Variants in MAP3K1 observed in about 807,000 individuals in gnomAD.
MAP3K1 encodes mitogen-activated protein kinase kinase kinase 1, also known as MAP/ERK kinase kinase 1.
In MAP3K1, 36 loss-of-function variants were observed where a neutral mutation model predicts 144.2. The observed-to-expected ratio is 0.25, with a 90% CI of 0.19 to 0.33. The LOEUF (loss-of-function observed/expected upper bound fraction) is 0.33, where lower values mean the gene tolerates loss of function less well. MAP3K1 is among the 10% of genes least tolerant of loss of function. The pLI is 1.00. For missense variants in MAP3K1, 1,650 were observed against 1,881.9 expected (o/e 0.88, Z 2.28); for synonymous variants, 718 against 688.7 (o/e 1.04, Z -0.67).
chr5:56,852,176 G>A (rs1747194915), intron 1 of MAP3K1: 1 of 152,022 alleles, frequency 6.6e-6, no homozygotes, highest in African/African-American at 2.4e-5. Flanking sequence ...GGCCATAGTT[G>A]GTATTTAAGG....
At chr5:56,846,309 A>C (rs1192926822) in intron 1 of MAP3K1, among the ~76,000 whole-genome samples, 2 of 152,232 alleles carry the variant, frequency 1.3e-5, no homozygotes, top group Admixed American at 1.3e-4. Context: ...CTTGAGTCTT[A>C]GGTCACAATA....
rs1263340939 is a variant in MAP3K1 at position 56,881,777 on chromosome 5, T to C, written c.2577T>C (p.Ile859=). The change falls in exon 14 of 20, where the codon ATT becomes ATC. Residue 859 remains isoleucine, a synonymous_variant. Coordinates refer to ENST00000399503, the MANE Select transcript of MAP3K1 (RefSeq NM_005921.2). ...GGATGCGTCGCCGTTTGATGGCTAT[T>C]GCAGATGAGGTGGAAATTGCCGAAG... ...FTRMRRRLMA[I]ADEVEIAEAI... 1 of 1,614,138 alleles carries C rather than the reference T, an allele frequency of 6.2e-7. No homozygotes were observed. The highest frequency in any genetic ancestry group is 8.5e-7 in the Non-Finnish European group (1 of 1,180,024).
Position 56,882,079 on chromosome 5 carries a change from G to T in MAP3K1, c.2879G>T (p.Gly960Val). The change falls in exon 14 of 20, where the codon GGC becomes GTC. Residue 960 changes from glycine (G) to valine (V), a missense_variant. Transcript: ENST00000399503. ...CCAAAGCCAATGGTTCAAACAAAAG[G>T]CAGACCCCACAGTCAGTGTTTGAAC... Reference protein sequence around the residue: ...EQPKPMVQTKGRPHSQCLNSS... With the variant: ...EQPKPMVQTKVRPHSQCLNSS... 6.2e-7 allele frequency: 1 copy of T among 1,614,000 alleles called. No individual in the cohort carries two copies. Among genetic ancestry groups the T allele is most frequent in the Non-Finnish European group, 8.5e-7 (1 of 1,180,018 alleles).
At chr5:56,847,042 T>G (rs1207209238) in intron 1 of MAP3K1, among the ~76,000 whole-genome samples, 1 of 152,234 alleles carries the variant, frequency 6.6e-6, no homozygotes, top group East Asian at 1.9e-4. Flanking sequence ...ATAACCAAGC[T>G]TTTACACTAC....
At chr5:56,816,453 C>G (rs1745972187) in intron 1 of MAP3K1, among the ~76,000 whole-genome samples, 2 of 152,022 alleles carry the variant, frequency 1.3e-5, no homozygotes, top group South Asian at 4.1e-4. Context: ...GGGGCAAAGG[C>G]ACTGGGGGGC....
rs771861561 is a variant in MAP3K1, at chr5:56,878,960, C to A, written c.1966-20C>A. 6.2e-7 allele frequency: 1 copy of A among 1,613,178 alleles called. No individual in the cohort carries two copies. The highest frequency in any genetic ancestry group is 8.5e-7 in the Non-Finnish European group (1 of 1,179,462). On this transcript the variant is annotated intron_variant, in intron 10 of 19. Transcript: ENST00000399503. ...GCTTTTTAAGTGTACATAAACTGACCTTCAGATTTTTTTCCTTAGAAAACA... is the reference window on the plus strand; with the variant it reads ...GCTTTTTAAGTGTACATAAACTGACATTCAGATTTTTTTCCTTAGAAAACA...
At chr5:56,871,848 A>G (rs1747861873) in intron 6 of MAP3K1, 62 bp from the exon 7 acceptor site, 1 of 1,523,836 alleles carries the variant, frequency 6.6e-7, no homozygotes, top group South Asian at 1.1e-5. Context: ...AAGTGTTTTT[A>G]GCATATCCGT....
chr5:56,865,460 G>T lies in MAP3K1; in HGVS notation c.1152+4G>T. ...AAAAACTTTAAAGAATTTTGAGGTA[G>T]TTTTTAATAAATGCTTAGAGTAAAA... is the stretch of plus-strand genomic sequence containing the variant. On this transcript the variant is annotated splice_donor_region_variant and intron_variant, in intron 5 of 19. Transcript: ENST00000399503. The T allele has an allele frequency of 7.0e-7, 1 of 1,434,042 alleles. No individual in the cohort carries two copies. Among genetic ancestry groups the T allele is most frequent in the South Asian group, 1.1e-5 (1 of 87,400 alleles). The allele number at this position is 1,434,042 out of a possible 1,614,324, so 88.8% of individuals were successfully genotyped here.
rs1004691489 is a variant in MAP3K1, at chr5:56,816,047, C to T, written c.474C>T (p.Ala158=). ...CCGCCGAGCCGTCTCCTGCAGCGGC[C>T]CCCGCCGGGTGAGCAGCACGGCCGG... ...APAAEPSPAA[A]PAGREMENKE... The change falls in exon 1 of 20, where the codon GCC becomes GCT. Residue 158 remains alanine, a synonymous_variant. Transcript: ENST00000399503. 45 of 1,217,030 alleles carry T rather than the reference C, an allele frequency of 3.7e-5. No individual in the cohort carries two copies. The highest frequency in any genetic ancestry group is 4.3e-5 in the Non-Finnish European group (42 of 979,730). The allele number at this position is 1,217,030 out of a possible 1,614,324, so 75.4% of individuals were successfully genotyped here.
At chr5:56,853,831 G>T (rs371353014) in intron 1 of MAP3K1, among the ~76,000 whole-genome samples, 3 of 152,312 alleles carry the variant, frequency 2.0e-5, no homozygotes, top group East Asian at 3.9e-4. Flanking sequence ...GACAGGAATT[G>T]AGGTGAGACC....
At chr5:56,840,763 ACTG>A (rs1746787085) in intron 1 of MAP3K1, among the ~76,000 whole-genome samples, 1 of 152,124 alleles carries the variant, frequency 6.6e-6, no homozygotes, top group Non-Finnish European at 1.5e-5. Flanking sequence ...AACAACTGGA[ACTG>A]AAACTTGGTC....
chr5:56,856,278 T>C (rs923574911), intron 1 of MAP3K1, among the ~76,000 whole-genome samples: 3 of 152,216 alleles, frequency 2.0e-5, no homozygotes, highest in Non-Finnish European at 4.4e-5. Context: ...AAAAGTGTAG[T>C]AATACACCCT....
chr5:56,865,040 TAAAC>T (rs1747635665), intron 4 of MAP3K1, 106 bp downstream of exon 4: 4 of 1,027,676 alleles, frequency 3.9e-6, no homozygotes, highest in Non-Finnish European at 5.8e-6. Context: ...TTCCCTATAG[TAAAC>T]AAAGTTAAAC....
intron 19 of MAP3K1, among the ~76,000 whole-genome samples, chr5:56,889,262 A>G (rs532648591): frequency 2.0e-4 from 31 of 152,214 alleles, no homozygotes; most frequent in African/African-American, 7.5e-4. Context: ...TCCGCTTCCC[A>G]GGTTCAGGCA....
intron 9 of MAP3K1, 23 bp from the exon 10 acceptor site, chr5:56,875,009 T>C: frequency 6.2e-7 from 1 of 1,613,762 alleles, no homozygotes; most frequent in East Asian, 2.2e-5. Flanking sequence ...TTACATTGAA[T>C]TCATCGTGTG....
At chr5:56,862,689 G>C (rs1430028311) in intron 3 of MAP3K1, among the ~76,000 whole-genome samples, 3 of 152,206 alleles carry the variant, frequency 2.0e-5, no homozygotes, top group Non-Finnish European at 4.4e-5. Context: ...TTGTACATCT[G>C]TGAGCATGTA....
chr5:56,825,416 G>A (rs143700637), intron 1 of MAP3K1, among the ~76,000 whole-genome samples: 48 of 152,304 alleles, frequency 3.2e-4, no homozygotes, highest in African/African-American at 7.5e-4. Context: ...ATTATCAGCC[G>A]TATCTTTGCT....
At chr5:56,828,039 A>T (rs1746372696) in intron 1 of MAP3K1, among the ~76,000 whole-genome samples, 1 of 147,056 alleles carries the variant, frequency 6.8e-6, no homozygotes, top group African/African-American at 2.7e-5. Context: ...TGTAGATAAT[A>T]CTCTTGCAAG....
At chr5:56,836,711 A>C (rs1009335054) in intron 1 of MAP3K1, among the ~76,000 whole-genome samples, 3 of 152,200 alleles carry the variant, frequency 2.0e-5, no homozygotes, top group African/African-American at 7.2e-5. Context: ...TGTTGAGAAC[A>C]GCTGCTTCAG....
Sources: allele counts gnomAD v4.1 joint callset (sites outside exome capture counted in the v4.1 genomes callset), GRCh38; gene constraint gnomAD v4.1.1; transcripts MANE v1.5; gene names NCBI Gene and HGNC (gene_info 2026-07-23, HGNC 2026-07-21).